ALDH3B2: variants seen among roughly 807,000 people sequenced by gnomAD.
ALDH3B2 encodes the protein aldehyde dehydrogenase 3 family member B2.
ALDH3B2 carries 45 observed loss-of-function variants against 36.7 expected under a neutral mutation model. The observed-to-expected ratio is 1.23, with a 90% CI of 0.97 to 1.57. The LOEUF (loss-of-function observed/expected upper bound fraction) is 1.57, where lower values mean the gene tolerates loss of function less well. Among genes scored for constraint, ALDH3B2 ranks in the 40% most tolerant of loss-of-function variants. ALDH3B2 has a pLI of 0.00. For missense variants in ALDH3B2, 464 were observed against 513.3 expected, an observed-to-expected ratio of 0.90 and a Z score of 0.93; for synonymous variants, 217 against 226.5, an observed-to-expected ratio of 0.96 and a Z score of 0.38.
At chr11:67,666,587 G>A (rs766488386) in exon 4 of ALDH3B2, 40 of 1,613,878 alleles carry the variant, frequency 2.5e-5, no homozygotes, top group Middle Eastern at 3.3e-4. Flanking sequence ...CGGCGAGGGC[G>A]CCCACCAGGA....
upstream of ALDH3B2, among the ~76,000 whole-genome samples, chr11:67,678,643 A>G (rs948832174): frequency 6.6e-6 from 1 of 150,756 alleles, no homozygotes; most frequent in Non-Finnish European, 1.5e-5. Context: ...GTACATATAT[A>G]TATATATACA....
At chr11:67,664,363 C>T (rs754110161) in intron 8 of ALDH3B2, 33 bp downstream of exon 8, 1 of 1,613,244 alleles carries the variant, frequency 6.2e-7, no homozygotes, top group Admixed American at 1.7e-5. Flanking sequence ...CCTTTCAGCC[C>T]CTCCATTGCC....
intron 1 of ALDH3B2, among the ~76,000 whole-genome samples, chr11:67,672,533 C>T (rs1257956669): frequency 6.6e-6 from 1 of 152,006 alleles, no homozygotes; most frequent in Non-Finnish European, 1.5e-5. Context: ...TGGGCACATG[C>T]TGTCAGGACA....
chr11:67,673,232 T>A (rs1856181906), intron 1 of ALDH3B2, among the ~76,000 whole-genome samples: 1 of 152,212 alleles, frequency 6.6e-6, no homozygotes, highest in Admixed American at 6.5e-5. Flanking sequence ...ATAAATTAAC[T>A]GAGACCCGTC....
upstream of ALDH3B2, among the ~76,000 whole-genome samples, chr11:67,678,690 T>C (rs944593619): frequency 4.4e-5 from 5 of 114,368 alleles, no homozygotes; most frequent in Non-Finnish European, 9.2e-5. Flanking sequence ...ATGGTGTATA[T>C]ATACACACTA....
intron 1 of ALDH3B2, among the ~76,000 whole-genome samples, chr11:67,669,300 G>C (rs549460872): frequency 6.6e-6 from 1 of 151,258 alleles, no homozygotes; most frequent in South Asian, 2.1e-4. Context: ...GGATGTCTGT[G>C]TGTCTGTGTC....
chr11:67,669,983 T>C (rs1325921193), intron 1 of ALDH3B2, among the ~76,000 whole-genome samples: 16 of 94,812 alleles, frequency 1.7e-4, no homozygotes, highest in Non-Finnish European at 2.8e-4. Flanking sequence ...TGGGTGTCTG[T>C]ATGTGTATGG....
At chr11:67,676,260 C>T (rs1856268883), upstream of ALDH3B2, among the ~76,000 whole-genome samples, 1 of 152,020 alleles carries the variant, frequency 6.6e-6, no homozygotes, top group South Asian at 2.1e-4. Context: ...CAGGCATGTT[C>T]TTAGACCACG....
upstream of ALDH3B2, among the ~76,000 whole-genome samples, chr11:67,678,890 T>C (rs1297240127): frequency 6.6e-6 from 1 of 151,982 alleles, no homozygotes; most frequent in African/African-American, 2.4e-5. Flanking sequence ...CTGGATGAGA[T>C]TGGAGGCTAT....
chr11:67,668,367 C>G (rs1201589559), intron 1 of ALDH3B2, among the ~76,000 whole-genome samples: 2 of 152,006 alleles, frequency 1.3e-5, no homozygotes, highest in Non-Finnish European at 2.9e-5. Context: ...CCTGAGGGCC[C>G]AAGGGAACCC....
At chr11:67,668,901 G>T (rs1417444115) in intron 1 of ALDH3B2, among the ~76,000 whole-genome samples, 1 of 149,952 alleles carries the variant, frequency 6.7e-6, no homozygotes, top group Non-Finnish European at 1.5e-5. Flanking sequence ...TGTGTGTATG[G>T]GTGCTGTGTG....
chr11:67,666,880 T>C (rs765146530), intron 3 of ALDH3B2, 26 bp downstream of exon 3: 1 of 1,614,136 alleles, frequency 6.2e-7, no homozygotes, highest in Non-Finnish European at 8.5e-7. Flanking sequence ...TGCCCTGCCC[T>C]CCTGCCGCCT....
At chr11:67,681,214 C>T (rs1856362139) in exon 1 of ALDH3B2, 2 of 152,308 alleles carry the variant, frequency 1.3e-5, no homozygotes, top group African/African-American at 4.8e-5. Context: ...TCCTTCTTCA[C>T]ATGGTGGCAG....
chr11:67,678,947 T>C (rs371016173), upstream of ALDH3B2, among the ~76,000 whole-genome samples: 458 of 152,152 alleles, frequency 3.0e-3, 4 homozygotes, highest in South Asian at 0.019. Context: ...ACATCGTATG[T>C]TTTCACTGAT....
exon 8 of ALDH3B2, chr11:67,664,471 G>A (rs768546716): frequency 3.1e-6 from 5 of 1,614,130 alleles, no homozygotes; most frequent in Admixed American, 1.7e-5. Context: ...CCTCGTCCAC[G>A]CTCTGCACGT....
intron 1 of ALDH3B2, among the ~76,000 whole-genome samples, chr11:67,672,751 A>C (rs1189425544): frequency 6.6e-6 from 1 of 150,830 alleles, no homozygotes; most frequent in Non-Finnish European, 1.5e-5. Context: ...CCCCATGCCC[A>C]GCTAATTTTT....
intron 9 of ALDH3B2, 23 bp downstream of exon 9, chr11:67,663,639 G>A (rs1979376): frequency 0.9 from 1,430,667 of 1,597,182 alleles, 642,812 homozygotes; most frequent in South Asian, 0.95. Context: ...CTTCCCTAGG[G>A]GTGGAAATGG....
At chr11:67,669,105 C>G (rs1856004403) in intron 1 of ALDH3B2, among the ~76,000 whole-genome samples, 1 of 147,008 alleles carries the variant, frequency 6.8e-6, no homozygotes. Context: ...CTTTGTGTGT[C>G]TGTGTGTCTT....
At chr11:67,669,336 G>T (rs979045452) in intron 1 of ALDH3B2, among the ~76,000 whole-genome samples, 6 of 150,726 alleles carry the variant, frequency 4.0e-5, no homozygotes, top group Admixed American at 2.0e-4. Context: ...GTATGTATCA[G>T]TGTCTGTGTG....
Sources: allele counts gnomAD v4.1 joint callset (sites outside exome capture counted in the v4.1 genomes callset), GRCh38; gene constraint gnomAD v4.1.1; transcripts MANE v1.5; gene names NCBI Gene and HGNC (gene_info 2026-07-23, HGNC 2026-07-21).